Variants in NTN1 observed in about 807,000 individuals in gnomAD.
NTN1 encodes netrin 1.
Under a neutral mutation model 54.2 loss-of-function variants are expected in NTN1, and 11 were observed. The ratio of observed to expected loss-of-function variants is 0.20; its 90% CI spans 0.13 to 0.34. The LOEUF (loss-of-function observed/expected upper bound fraction) is 0.34. Ranked by LOEUF, NTN1 falls within the 10% of genes least tolerant of loss-of-function variation. The probability of loss-of-function intolerance (pLI) is 1.00; values close to 1 mark genes in which losing one functional copy is unlikely to be tolerated. For missense variants in NTN1, 740 were observed against 893.1 expected (o/e 0.83, Z 2.18); for synonymous variants, 371 against 382.0 (o/e 0.97, Z 0.33).
chr17:9,023,747 C>T (rs1287752434), intron 2 of NTN1, among the ~76,000 whole-genome samples: 4 of 152,354 alleles, frequency 2.6e-5, no homozygotes, highest in Middle Eastern at 3.4e-3. Flanking sequence ...CACCTGCACC[C>T]ACCCCCCTTT....
intron 2 of NTN1, among the ~76,000 whole-genome samples, chr17:9,133,455 A>G (rs1567718482): frequency 6.6e-6 from 1 of 152,182 alleles, no homozygotes; most frequent in East Asian, 1.9e-4. Flanking sequence ...CCTTAGGTTT[A>G]CTCAGCAGGT....
At chr17:9,226,880 G>A (rs3785989) in intron 6 of NTN1, among the ~76,000 whole-genome samples, 103,852 of 151,604 alleles carry the variant, frequency 0.69, 35,781 homozygotes, top group East Asian at 0.74. Context: ...CCTGCCCTGC[G>A]GTCACACAGC....
At chr17:9,230,490 G>C (rs916841152) in intron 6 of NTN1, among the ~76,000 whole-genome samples, 1 of 151,432 alleles carries the variant, frequency 6.6e-6, no homozygotes, top group African/African-American at 2.4e-5. Context: ...GCCAGATGTG[G>C]AGCTGGGCCC....
chr17:9,215,714 CTTG>C (rs990419827), intron 5 of NTN1, among the ~76,000 whole-genome samples: 7 of 152,084 alleles, frequency 4.6e-5, no homozygotes, highest in South Asian at 4.1e-4. Flanking sequence ...ATCTCACTGG[CTTG>C]TTGTTGTTGT....
chr17:9,226,482 AGGC>A (rs1905561702), intron 6 of NTN1, among the ~76,000 whole-genome samples: 1 of 28,626 alleles, frequency 3.5e-5, no homozygotes, highest in African/African-American at 3.7e-4. Flanking sequence ...TCTCGTGGGG[AGGC>A]GGTCTCGTGG....
At chr17:9,089,878 CCAAA>C (rs1366016407) in intron 2 of NTN1, among the ~76,000 whole-genome samples, 1 of 152,104 alleles carries the variant, frequency 6.6e-6, no homozygotes, top group African/African-American at 2.4e-5. Context: ...GTTAGAGTGG[CCAAA>C]CAAACTTTTT....
At chr17:9,058,657 A>G (rs1424925579) in intron 2 of NTN1, among the ~76,000 whole-genome samples, 2 of 151,170 alleles carry the variant, frequency 1.3e-5, no homozygotes, top group African/African-American at 4.8e-5. Context: ...AAAAAAAAAA[A>G]AAAAAAAGAA....
chr17:9,059,608 G>A (rs2142205983), intron 2 of NTN1, among the ~76,000 whole-genome samples: 1 of 152,276 alleles, frequency 6.6e-6, no homozygotes, highest in East Asian at 1.9e-4. Flanking sequence ...TATGTGAAAT[G>A]TCCAGAAGAG....
At chr17:9,113,156 T>C (rs57583403) in intron 2 of NTN1, among the ~76,000 whole-genome samples, 3,713 of 151,592 alleles carry the variant, frequency 0.024, 167 homozygotes, top group African/African-American at 0.085. Flanking sequence ...CCCGAGTAGC[T>C]GGGATTACAG....
At chr17:9,172,487 A>G (rs566397842) in intron 3 of NTN1, among the ~76,000 whole-genome samples, 2 of 152,032 alleles carry the variant, frequency 1.3e-5, no homozygotes, top group South Asian at 4.2e-4. Flanking sequence ...TCAAAAAAAG[A>G]GAAGCTCCTT....
intron 2 of NTN1, among the ~76,000 whole-genome samples, chr17:9,156,998 C>T (rs929980193): frequency 7.4e-5 from 11 of 148,542 alleles, no homozygotes; most frequent in South Asian, 2.2e-4. Context: ...CCCATCCATC[C>T]GTCCATCCCT....
chr17:9,203,366 TAAAC>T (rs1904867603), intron 5 of NTN1, among the ~76,000 whole-genome samples: 2 of 152,234 alleles, frequency 1.3e-5, no homozygotes, highest in African/African-American at 4.8e-5. Flanking sequence ...AGAATGAAGA[TAAAC>T]AGATAAGTGG....
the NTN1 span, among the ~76,000 whole-genome samples, chr17:9,011,910 C>T: frequency 2.6e-5 from 4 of 152,026 alleles, no homozygotes; most frequent in African/African-American, 7.2e-5. Context: ...TTTAGCTCAC[C>T]GCACAGAGCT....
chr17:9,185,374 T>C (rs74596846), intron 5 of NTN1, among the ~76,000 whole-genome samples: 1,709 of 152,314 alleles, frequency 0.011, 27 homozygotes, highest in African/African-American at 0.037. Context: ...GGGAGGCCTC[T>C]GTGCCAGGCT....
At chr17:9,216,630 G>A (rs1905222179) in intron 5 of NTN1, among the ~76,000 whole-genome samples, 1 of 152,242 alleles carries the variant, frequency 6.6e-6, no homozygotes, top group South Asian at 2.1e-4. Context: ...GCACAGCTCT[G>A]TCTTCAGCTC....
At chr17:9,115,023 T>G (rs1396666167) in intron 2 of NTN1, among the ~76,000 whole-genome samples, 1 of 151,956 alleles carries the variant, frequency 6.6e-6, no homozygotes, top group African/African-American at 2.4e-5. Context: ...GGTGGATGAG[T>G]GGTAGGCTTG....
At chr17:9,193,614 G>C (rs1271052044) in intron 5 of NTN1, among the ~76,000 whole-genome samples, 1 of 152,036 alleles carries the variant, frequency 6.6e-6, no homozygotes, top group African/African-American at 2.4e-5. Context: ...TGTTTTGCTC[G>C]CTGGTTTAAT....
At chr17:9,081,271 G>A (rs910170563) in intron 2 of NTN1, among the ~76,000 whole-genome samples, 2 of 152,204 alleles carry the variant, frequency 1.3e-5, no homozygotes, top group Non-Finnish European at 2.9e-5. Context: ...GGTATTGATT[G>A]TTGTGGGGTG....
At chr17:9,072,754 A>C (rs2092036436) in intron 2 of NTN1, among the ~76,000 whole-genome samples, 2 of 152,190 alleles carry the variant, frequency 1.3e-5, no homozygotes, top group African/African-American at 4.8e-5. Flanking sequence ...TGAGTTGATT[A>C]ACCTGTAGAA....
Sources: allele counts gnomAD v4.1 joint callset (sites outside exome capture counted in the v4.1 genomes callset), GRCh38; gene constraint gnomAD v4.1.1; transcripts MANE v1.5; gene names NCBI Gene and HGNC (gene_info 2026-07-23, HGNC 2026-07-21).